CACNA2D3: variants seen among roughly 807,000 people sequenced by gnomAD.
CACNA2D3 encodes the protein calcium voltage-gated channel auxiliary subunit alpha2delta 3, also known as voltage-dependent calcium channel subunit alpha-2/delta-3.
Under a neutral mutation model 160.6 loss-of-function variants are expected in CACNA2D3, and 60 were observed. That is an observed-to-expected ratio of 0.37 (90% CI 0.30 to 0.46). The LOEUF (loss-of-function observed/expected upper bound fraction) is 0.46. Among genes scored for constraint, CACNA2D3 ranks in the 20% least tolerant of loss-of-function variants. CACNA2D3 has a pLI of 1.00. For missense variants in CACNA2D3, 1,205 were observed against 1,365.0 expected (o/e 0.88, Z 1.85); for synonymous variants, 558 against 492.9 (o/e 1.13, Z -1.75).
intron 8 of CACNA2D3, among the ~76,000 whole-genome samples, chr3:54,573,727 G>GTTTACACA (rs1702536080): frequency 6.6e-6 from 1 of 152,198 alleles, no homozygotes; most frequent in Non-Finnish European, 1.5e-5. Context: ...AGGGCATAAT[G>GTTTACACA]TTTACACAGT....
At chr3:54,786,905 T>C (rs963661360) in intron 13 of CACNA2D3, among the ~76,000 whole-genome samples, 2 of 152,186 alleles carry the variant, frequency 1.3e-5, no homozygotes, top group Non-Finnish European at 2.9e-5. Flanking sequence ...AGTGAATGAG[T>C]CCATGAATGT....
intron 35 of CACNA2D3, among the ~76,000 whole-genome samples, chr3:55,049,083 T>A (rs980822871): frequency 2.0e-5 from 3 of 151,876 alleles, no homozygotes; most frequent in Admixed American, 2.0e-4. Flanking sequence ...TTTGAAGGGT[T>A]TTTTGTGTCC....
intron 17 of CACNA2D3, among the ~76,000 whole-genome samples, chr3:54,859,047 G>A (rs910821333): frequency 1.3e-5 from 2 of 152,222 alleles, no homozygotes; most frequent in African/African-American, 4.8e-5. Flanking sequence ...TGTTGGTAAT[G>A]TGTGGAGTTT....
At chr3:54,437,022 C>T (rs1204182939) in intron 4 of CACNA2D3, among the ~76,000 whole-genome samples, 2 of 152,132 alleles carry the variant, frequency 1.3e-5, no homozygotes, top group African/African-American at 2.4e-5. Flanking sequence ...ACAGTAGGCT[C>T]CAATAAATTA....
intron 35 of CACNA2D3, among the ~76,000 whole-genome samples, chr3:55,021,691 A>ATG (rs1491085787): frequency 2.3e-5 from 3 of 131,490 alleles, no homozygotes; most frequent in East Asian, 2.1e-4. Context: ...ATATATATAT[A>ATG]TGTGTGTATA....
chr3:54,794,315 A>T (rs1702822094), intron 13 of CACNA2D3, among the ~76,000 whole-genome samples: 1 of 152,140 alleles, frequency 6.6e-6, no homozygotes, highest in East Asian at 1.9e-4. Context: ...GAAGAAACTT[A>T]CAACAGTATA....
intron 11 of CACNA2D3, among the ~76,000 whole-genome samples, chr3:54,659,279 A>G (rs564399789): frequency 6.6e-6 from 1 of 152,352 alleles, no homozygotes; most frequent in South Asian, 2.1e-4. Context: ...GGTGCCTGGC[A>G]CACAGTGTGC....
intron 35 of CACNA2D3, among the ~76,000 whole-genome samples, chr3:55,021,560 A>G (rs571470708): frequency 6.3e-4 from 94 of 149,418 alleles, no homozygotes; most frequent in African/African-American, 1.7e-3. Flanking sequence ...ATATATGTCT[A>G]GGTATACATT....
chr3:55,004,616 C>T (rs566150467), intron 31 of CACNA2D3, 147 bp from the exon 32 acceptor site: 39 of 594,084 alleles, frequency 6.6e-5, no homozygotes, highest in African/African-American at 5.3e-4. Flanking sequence ...CTTTGCCAGG[C>T]TCCTTGTTCA....
At chr3:54,829,191 C>T (rs1703814049) in intron 14 of CACNA2D3, among the ~76,000 whole-genome samples, 1 of 152,206 alleles carries the variant, frequency 6.6e-6, no homozygotes, top group Non-Finnish European at 1.5e-5. Flanking sequence ...GATCTCCCTG[C>T]CCCACGTTTC....
intron 29 of CACNA2D3, among the ~76,000 whole-genome samples, chr3:54,982,268 T>C (rs1253728363): frequency 1.3e-5 from 2 of 152,134 alleles, no homozygotes; most frequent in African/African-American, 4.8e-5. Flanking sequence ...ACCCCCTAAA[T>C]CCTAGGAATG....
chr3:54,845,323 T>C (rs1258412653), intron 16 of CACNA2D3, among the ~76,000 whole-genome samples: 1 of 152,244 alleles, frequency 6.6e-6, no homozygotes, highest in Non-Finnish European at 1.5e-5. Context: ...TTGTAAACTC[T>C]GTTGTCTGGA....
rs1429672319 is a variant in CACNA2D3 at position 54,736,006 on chromosome 3, TGTATATATATAC to T, written c.1168-16592_1168-16581del. On this transcript the variant is annotated intron_variant, in intron 11 of 37. Transcript: ENST00000474759. ...GTATATATATATACATATATATATATGTATATATATACACATACATATATATATGTATATATA... is the reference window on the plus strand; with the variant it reads ...GTATATATATATACATATATATATATACATACATATATATATGTATATATA... Among the ~76,000 whole-genome samples, 8 of 97,404 alleles carry T rather than the reference TGTATATATATAC, an allele frequency of 8.2e-5. No individual in the cohort carries two copies. The East Asian group carries it at 1.0e-3, about 13-fold the overall frequency. 63.9% of individuals were successfully genotyped at this position (97,404 alleles called of 152,430 possible).
intron 24 of CACNA2D3, among the ~76,000 whole-genome samples, chr3:54,890,279 A>G (rs1277183889): frequency 6.6e-6 from 1 of 152,062 alleles, no homozygotes; most frequent in Non-Finnish European, 1.5e-5. Flanking sequence ...GGCAGATCAC[A>G]ATGGCAGGAG....
At chr3:54,949,221 A>T (rs972403641) in intron 27 of CACNA2D3, among the ~76,000 whole-genome samples, 1 of 152,212 alleles carries the variant, frequency 6.6e-6, no homozygotes, top group South Asian at 2.1e-4. Context: ...ACAGGAGCAT[A>T]GGATGCATCC....
At chr3:54,323,018 G>C (rs540176031) in intron 3 of CACNA2D3, among the ~76,000 whole-genome samples, 1 of 152,254 alleles carries the variant, frequency 6.6e-6, no homozygotes, top group African/African-American at 2.4e-5. Flanking sequence ...TGGTTAATTG[G>C]TCCAGTGTTA....
At chr3:54,837,114 G>A in intron 14 of CACNA2D3, 45 bp from the exon 15 acceptor site, 1 of 1,579,342 alleles carries the variant, frequency 6.3e-7, no homozygotes, top group East Asian at 2.2e-5. Context: ...CAGAACTGTG[G>A]TTTCCAGACC....
At chr3:54,956,046 C>T (rs115001307) in intron 27 of CACNA2D3, among the ~76,000 whole-genome samples, 3,288 of 152,300 alleles carry the variant, frequency 0.022, 128 homozygotes, top group African/African-American at 0.074. Context: ...GCCGTCCGCC[C>T]CTCCTTAATG....
At chr3:55,049,706 T>C in intron 35 of CACNA2D3, among the ~76,000 whole-genome samples, 1 of 148,182 alleles carries the variant, frequency 6.7e-6, no homozygotes, top group Non-Finnish European at 1.5e-5. Context: ...AGTGGGGTGT[T>C]AAAGTCTCCC....
Sources: gnomAD v4.1 joint callset for allele counts (sites outside exome capture counted in the v4.1 genomes callset) on GRCh38, gnomAD v4.1.1 for gene constraint, MANE v1.5 for transcripts, NCBI Gene and HGNC (gene_info 2026-07-23, HGNC 2026-07-21) for gene names.